MAGI2: variants seen among roughly 807,000 people sequenced by gnomAD.
MAGI2 encodes the protein membrane-associated guanylate kinase, WW and PDZ domain-containing protein 2.
MAGI2 carries 35 observed loss-of-function variants against 133.3 expected under a neutral mutation model. The observed-to-expected ratio is 0.26, with a 90% CI of 0.20 to 0.35. The LOEUF is 0.35. Ranked by LOEUF, MAGI2 falls within the 10% of genes least tolerant of loss-of-function variation. MAGI2 has a pLI of 1.00. For missense variants in MAGI2, 1,636 were observed against 1,863.4 expected, an observed-to-expected ratio of 0.88 and a Z score of 2.25; for synonymous variants, 729 against 710.6, an observed-to-expected ratio of 1.03 and a Z score of -0.41.
At chr7:78,214,294 T>C (rs1241498095) in intron 10 of MAGI2, among the ~76,000 whole-genome samples, 1 of 152,252 alleles carries the variant, frequency 6.6e-6, no homozygotes, top group African/African-American at 2.4e-5. Flanking sequence ...TTTCTTGTTT[T>C]CTGTAGTAAA....
chr7:79,136,061 GAAAGAAGGAAAGAAA>G, intron 1 of MAGI2, among the ~76,000 whole-genome samples: 1 of 128,086 alleles, frequency 7.8e-6, no homozygotes, highest in Non-Finnish European at 1.6e-5. Context: ...AAGAAAGAAA[GAAAGAAGGAAAGAAA>G]GAAAGAAAGA....
At chr7:78,572,260 C>G (rs764674) in intron 3 of MAGI2, among the ~76,000 whole-genome samples, 123,595 of 152,052 alleles carry the variant, frequency 0.81, 50,370 homozygotes, top group East Asian at 0.9. Context: ...AATTGATTAT[C>G]GAGGAAATCA....
intron 2 of MAGI2, among the ~76,000 whole-genome samples, chr7:78,662,324 T>A (rs1813052476): frequency 6.6e-6 from 1 of 152,194 alleles, no homozygotes; most frequent in African/African-American, 2.4e-5. Flanking sequence ...TAGTAACTAG[T>A]TGGCTTAGTG....
At chr7:79,070,682 G>A (rs1474903096) in intron 1 of MAGI2, among the ~76,000 whole-genome samples, 15 of 151,478 alleles carry the variant, frequency 9.9e-5, no homozygotes, top group Non-Finnish European at 1.0e-4. Context: ...TAGTAGAGAC[G>A]GGGTTTCACT....
intron 6 of MAGI2, among the ~76,000 whole-genome samples, chr7:78,469,481 C>T (rs376013479): frequency 3.3e-5 from 5 of 152,054 alleles, no homozygotes; most frequent in Non-Finnish European, 5.9e-5. Flanking sequence ...TACACAAAGT[C>T]GCCTAAGTGA....
chr7:78,404,149 C>T (rs982401156), intron 6 of MAGI2, among the ~76,000 whole-genome samples: 2 of 152,118 alleles, frequency 1.3e-5, no homozygotes, highest in Non-Finnish European at 2.9e-5. Context: ...CTGCAAACCA[C>T]TCCTCAATGA....
At chr7:79,038,392 A>G (rs1434236167) in intron 1 of MAGI2, among the ~76,000 whole-genome samples, 1 of 152,006 alleles carries the variant, frequency 6.6e-6, no homozygotes, top group Non-Finnish European at 1.5e-5. Flanking sequence ...GTTTTAATCC[A>G]TTGTTATTAT....
rs79736616 is a variant in MAGI2, at chr7:79,240,480, C to A, written c.301+212540G>T. Among the ~76,000 whole-genome samples the A allele has an allele frequency of 8.2e-4, 124 of 152,080 alleles. 2 individuals are homozygous for A. The East Asian group carries it at 0.022, about 27-fold the overall frequency. On this transcript the variant is annotated intron_variant, in intron 1 of 21. Coordinates refer to ENST00000354212, the MANE Select transcript of MAGI2 (RefSeq NM_012301.4). Reference sequence around the variant, plus strand: ...AATAGGGGACAATGGCATGTATTCTCAATGTGGAGAGCACACTGGCAGAGG... The same window carrying A: ...AATAGGGGACAATGGCATGTATTCTAAATGTGGAGAGCACACTGGCAGAGG...
chr7:78,218,442 A>T (rs1293181852), intron 10 of MAGI2, among the ~76,000 whole-genome samples: 2 of 152,246 alleles, frequency 1.3e-5, no homozygotes, highest in African/African-American at 2.4e-5. Flanking sequence ...ATCTTAGAAA[A>T]ACAGTGAAGG....
At chr7:78,736,646 T>A (rs1368477328) in intron 2 of MAGI2, among the ~76,000 whole-genome samples, 1 of 152,180 alleles carries the variant, frequency 6.6e-6, no homozygotes, top group Non-Finnish European at 1.5e-5. Flanking sequence ...TTTATTGTCC[T>A]CCCTTTTCTA....
chr7:78,793,243 G>A (rs1420604155), intron 2 of MAGI2, among the ~76,000 whole-genome samples: 3 of 152,196 alleles, frequency 2.0e-5, no homozygotes, highest in Non-Finnish European at 4.4e-5. Context: ...TATGCACTGT[G>A]AAGGAAAACA....
At chr7:78,915,678 GA>G (rs1202275855) in intron 2 of MAGI2, among the ~76,000 whole-genome samples, 2 of 151,466 alleles carry the variant, frequency 1.3e-5, no homozygotes, top group Non-Finnish European at 2.9e-5. Flanking sequence ...TTGTTTTACA[GA>G]AGAGTACACT....
intron 1 of MAGI2, among the ~76,000 whole-genome samples, chr7:79,306,703 G>A (rs1295221972): frequency 1.3e-5 from 2 of 152,014 alleles, no homozygotes; most frequent in Non-Finnish European, 2.9e-5. Flanking sequence ...ACACTTCAGT[G>A]GCATTGTAAG....
chr7:79,131,907 T>C (rs1820971902), intron 1 of MAGI2, among the ~76,000 whole-genome samples: 1 of 152,128 alleles, frequency 6.6e-6, no homozygotes, highest in Admixed American at 6.6e-5. Context: ...AGGTCTCTAG[T>C]GCTCTCTTAA....
At position 79,016,005 on chromosome 7, in the gene MAGI2, G is replaced by A. The variant is rs1476107; in HGVS notation, c.302-8799C>T. ...CAATGACTCCTGGAGAAGCGGGGGGGGGGGGTGGGGGTTGAGCAGGCAAGG... is the reference window on the plus strand; with the variant it reads ...CAATGACTCCTGGAGAAGCGGGGGGAGGGGGTGGGGGTTGAGCAGGCAAGG... On this transcript the variant is annotated intron_variant, in intron 1 of 21. Coordinates refer to ENST00000354212, the MANE Select transcript of MAGI2 (RefSeq NM_012301.4). Among the ~76,000 whole-genome samples, 84 of 116,582 alleles carry A rather than the reference G, an allele frequency of 7.2e-4. 3 individuals are homozygous for A. Among genetic ancestry groups the A allele is most frequent in the Non-Finnish European group, 1.2e-3 (65 of 55,468 alleles). 76.5% of individuals were successfully genotyped at this position (116,582 alleles called of 152,430 possible).
At chr7:79,019,403 T>A (rs1011225238) in intron 1 of MAGI2, among the ~76,000 whole-genome samples, 1 of 152,136 alleles carries the variant, frequency 6.6e-6, no homozygotes, top group Non-Finnish European at 1.5e-5. Flanking sequence ...TCATTCTCTA[T>A]CCTGCCACCC....
chr7:79,084,856 G>T (rs965806128), intron 1 of MAGI2, among the ~76,000 whole-genome samples: 1 of 151,650 alleles, frequency 6.6e-6, no homozygotes, highest in Non-Finnish European at 1.5e-5. Context: ...TTGAATTCTT[G>T]ATAGAATTTT....
At chr7:78,706,069 T>A (rs924185546) in intron 2 of MAGI2, among the ~76,000 whole-genome samples, 9 of 152,086 alleles carry the variant, frequency 5.9e-5, no homozygotes. Context: ...GTAAATGGTA[T>A]CTCAAGCATC....
intron 2 of MAGI2, among the ~76,000 whole-genome samples, chr7:78,703,233 A>G (rs761526102): frequency 2.6e-5 from 4 of 152,060 alleles, no homozygotes; most frequent in Non-Finnish European, 4.4e-5. Flanking sequence ...TATTCTTGCA[A>G]AAGTTTATAT....
Sources: allele counts gnomAD v4.1 joint callset (sites outside exome capture counted in the v4.1 genomes callset), GRCh38; gene constraint gnomAD v4.1.1; transcripts MANE v1.5; gene names NCBI Gene and HGNC (gene_info 2026-07-23, HGNC 2026-07-21).